The following PTPRT variants were observed in gnomAD, a reference collection of about 807,000 sequenced individuals.
PTPRT encodes receptor-type tyrosine-protein phosphatase T.
In PTPRT, 56 loss-of-function variants were observed where a neutral mutation model predicts 176.8. The ratio of observed to expected loss-of-function variants is 0.32; its 90% CI spans 0.26 to 0.40. The LOEUF (loss-of-function observed/expected upper bound fraction) is 0.40, where lower values mean the gene tolerates loss of function less well. Among genes scored for constraint, PTPRT ranks in the 10% least tolerant of loss-of-function variants. PTPRT has a pLI of 1.00. For synonymous variants in PTPRT, 783 were observed against 739.0 expected (o/e 1.06, Z -0.96); for missense variants, 1,540 against 1,908.2 (o/e 0.81, Z 3.60).
chr20:42,766,174 T>C (rs2076980087), intron 5 of PTPRT, among the ~76,000 whole-genome samples: 1 of 152,240 alleles, frequency 6.6e-6, no homozygotes, highest in Admixed American at 6.5e-5. Context: ...CTTTGTTTAG[T>C]GGCTATTCCC....
chr20:42,539,436 G>T (rs2072538386), intron 7 of PTPRT, among the ~76,000 whole-genome samples: 1 of 143,958 alleles, frequency 6.9e-6, no homozygotes, highest in Non-Finnish European at 1.5e-5. Flanking sequence ...TCACTTTCTT[G>T]ATCTCTCATT....
chr20:42,948,009 A>ATGAG (rs1041531100), intron 1 of PTPRT, among the ~76,000 whole-genome samples: 7 of 152,172 alleles, frequency 4.6e-5, no homozygotes, highest in Non-Finnish European at 5.9e-5. Context: ...GAATGAATGA[A>ATGAG]TGAGTGAACC....
At chr20:42,070,448 G>A (rs1013596), downstream of PTPRT, among the ~76,000 whole-genome samples, 74,321 of 151,448 alleles carry the variant, frequency 0.49, 19,402 homozygotes, top group East Asian at 0.69. Flanking sequence ...TCTCCAGGAC[G>A]GCAGCACATA....
At chr20:43,175,165 G>A (rs1243895982) in intron 1 of PTPRT, among the ~76,000 whole-genome samples, 1 of 152,188 alleles carries the variant, frequency 6.6e-6, no homozygotes, top group Non-Finnish European at 1.5e-5. Flanking sequence ...CTCCTCCATG[G>A]AGATGCCAGG....
chr20:42,953,402 TCTAA>T (rs1261730157), intron 1 of PTPRT, among the ~76,000 whole-genome samples: 1 of 152,166 alleles, frequency 6.6e-6, no homozygotes, highest in Non-Finnish European at 1.5e-5. Flanking sequence ...CGAAAGCAGA[TCTAA>T]CTATCTCCAA....
chr20:43,033,906 G>A (rs1568744558), intron 1 of PTPRT, among the ~76,000 whole-genome samples: 1 of 152,156 alleles, frequency 6.6e-6, no homozygotes, highest in Non-Finnish European at 1.5e-5. Context: ...TAGAGCTCTC[G>A]CTCCTGACCA....
intron 1 of PTPRT, among the ~76,000 whole-genome samples, chr20:42,890,419 C>T (rs2079172928): frequency 6.6e-6 from 1 of 152,148 alleles, no homozygotes; most frequent in Non-Finnish European, 1.5e-5. Flanking sequence ...TGTTTCTGAG[C>T]CTTCATTTTC....
intron 1 of PTPRT, among the ~76,000 whole-genome samples, chr20:42,915,965 T>G (rs1156920589): frequency 1.3e-5 from 2 of 151,788 alleles, no homozygotes; most frequent in African/African-American, 4.8e-5. Flanking sequence ...TGTTGTTGTT[T>G]TTATTATTAT....
intron 1 of PTPRT, among the ~76,000 whole-genome samples, chr20:43,019,384 G>C (rs1985537835): frequency 6.6e-6 from 1 of 152,122 alleles, no homozygotes; most frequent in Non-Finnish European, 1.5e-5. Context: ...ACTTTGGGAG[G>C]TCAAGGCGGG....
chr20:42,176,228 ATGTT>A (rs907219708), intron 16 of PTPRT, among the ~76,000 whole-genome samples: 1 of 152,072 alleles, frequency 6.6e-6, no homozygotes. Context: ...GATAAATACA[ATGTT>A]TGTTTATCTT....
chr20:43,057,783 A>G (rs1225401625), intron 1 of PTPRT, among the ~76,000 whole-genome samples: 1 of 152,256 alleles, frequency 6.6e-6, no homozygotes, highest in Non-Finnish European at 1.5e-5. Flanking sequence ...ATTGGGCAAC[A>G]TGAATATGAT....
At chr20:42,806,521 C>T (rs563860315) in intron 2 of PTPRT, among the ~76,000 whole-genome samples, 23 of 151,356 alleles carry the variant, frequency 1.5e-4, no homozygotes, top group Admixed American at 9.9e-4. Context: ...TTACAGGATC[C>T]TCAGTTAAGC....
chr20:43,099,226 A>G (rs1335813419), intron 1 of PTPRT, among the ~76,000 whole-genome samples: 1 of 152,140 alleles, frequency 6.6e-6, no homozygotes, highest in Non-Finnish European at 1.5e-5. Context: ...AATAATAATG[A>G]TTTCCTATAT....
In PTPRT at chr20:42,581,007, G is replaced by C. The variant is rs572826083; in HGVS notation, c.1153+96859C>G. On this transcript the variant is annotated intron_variant, in intron 7 of 30. Coordinates refer to ENST00000373187, the MANE Select transcript of PTPRT (RefSeq NM_007050.6). The stretch of plus-strand genomic sequence containing the variant: ...CGAGTCTTGCAAGTTCTTGTCTCCA[G>C]GTACATTCCTGACTTACTCTCCTCC... 4.6e-5 allele frequency among the ~76,000 whole-genome samples: 7 copies of C among 152,152 alleles called. No individual in the cohort carries two copies. The South Asian group carries it at 1.5e-3, about 32-fold the overall frequency.
chr20:42,920,269 T>C (rs1979058507), intron 1 of PTPRT, among the ~76,000 whole-genome samples: 1 of 152,178 alleles, frequency 6.6e-6, no homozygotes, highest in African/African-American at 2.4e-5. Context: ...TCATAAAGCA[T>C]AGACTAACTG....
At chr20:42,606,827 G>A (rs1230036536) in intron 7 of PTPRT, 1 of 152,180 alleles carries the variant, frequency 6.6e-6, no homozygotes, top group African/African-American at 2.4e-5. Flanking sequence ...AGTTGCCACT[G>A]AATTTCCATT....
At chr20:42,820,457 C>A (rs1373098365) in intron 2 of PTPRT, among the ~76,000 whole-genome samples, 1 of 152,004 alleles carries the variant, frequency 6.6e-6, no homozygotes, top group African/African-American at 2.4e-5. Context: ...ATGCCCACAT[C>A]AGAATGCTAG....
intron 1 of PTPRT, chr20:42,971,536 T>A (rs1982637350): frequency 6.6e-6 from 1 of 151,194 alleles, no homozygotes; most frequent in African/African-American, 2.4e-5. Context: ...ATTTCTTCCA[T>A]TTTTTTTTCA....
At chr20:42,821,705 C>G (rs1413702747) in intron 2 of PTPRT, among the ~76,000 whole-genome samples, 3 of 152,160 alleles carry the variant, frequency 2.0e-5, no homozygotes, top group African/African-American at 7.2e-5. Context: ...TAAGCAACTT[C>G]AGCAAAGTCT....
Sources: allele counts gnomAD v4.1 joint callset (sites outside exome capture counted in the v4.1 genomes callset), GRCh38; gene constraint gnomAD v4.1.1; transcripts MANE v1.5; gene names NCBI Gene and HGNC (gene_info 2026-07-23, HGNC 2026-07-21).